The following DOCK8 variants were observed in gnomAD, a reference collection of about 807,000 sequenced individuals.
DOCK8 encodes dedicator of cytokinesis protein 8.
DOCK8 carries 141 observed loss-of-function variants against 245.6 expected under a neutral mutation model. The observed-to-expected ratio is 0.57, with a 90% CI of 0.50 to 0.66. The LOEUF (loss-of-function observed/expected upper bound fraction) is 0.66. DOCK8 is among the 30% of genes least tolerant of loss of function. The pLI, the probability that DOCK8 is intolerant of heterozygous loss-of-function variation, is 0.00. For synonymous variants in DOCK8, 1,168 were observed against 970.2 expected (o/e 1.20, Z -3.79); for missense variants, 2,965 against 2,603.4 (o/e 1.14, Z -3.02).
Position 215,005 on chromosome 9 carries a change from G to T in DOCK8, c.29G>T (p.Arg10Leu), listed in dbSNP as rs1233947697. The change falls in exon 1 of 48, where the codon CGC becomes CTC. Residue 10 changes from arginine to leucine, a missense_variant. Transcript: ENST00000432829. ...GCCACTCTGCCGAGCGCAGAGCGCC[G>T]CGCGTTCGCGCTCAAGATCAACAGG... Reference protein sequence around the residue: MATLPSAERRAFALKINRYS... With the variant: MATLPSAERLAFALKINRYS... The T allele has an allele frequency of 1.3e-6, 2 of 1,593,510 alleles. No individual in the cohort carries two copies. Among genetic ancestry groups the T allele is most frequent in the African/African-American group, 2.7e-5 (2 of 73,050 alleles).
Position 382,652 on chromosome 9 carries a change from A to G in DOCK8, c.2745A>G (p.Ala915=), listed in dbSNP as rs368171577. ...NPDLAGTHSA[A]DEEVKNIMSS... ...ACCTCGCGGGGACACACTCCGCAGC[A>G]GACGAGGAAGTGAAGAACATCATGT... Residue 915 remains alanine (A), a synonymous_variant, in exon 22 of 48, where the codon GCA becomes GCG. Coordinates refer to ENST00000432829, the MANE Select transcript of DOCK8 (RefSeq NM_203447.4). 2 of 1,614,096 alleles carry G rather than the reference A, an allele frequency of 1.2e-6. No individual in the cohort carries two copies. The highest frequency in any genetic ancestry group is 2.7e-5 in the African/African-American group (2 of 74,940).
chr9:358,535 G>A (rs549067530), intron 14 of DOCK8, among the ~76,000 whole-genome samples: 1 of 152,296 alleles, frequency 6.6e-6, no homozygotes, highest in East Asian at 1.9e-4. Context: ...GTTTATTAAG[G>A]CCTTTGACAG....
chr9:363,666 C>CA (rs2052841125), intron 14 of DOCK8, among the ~76,000 whole-genome samples: 1 of 152,122 alleles, frequency 6.6e-6, no homozygotes, highest in Admixed American at 6.5e-5. Context: ...TCCTGACCTT[C>CA]AAAAAATGGG....
intron 26 of DOCK8, among the ~76,000 whole-genome samples, chr9:401,799 C>G (rs2055119538): frequency 6.6e-6 from 1 of 152,162 alleles, no homozygotes; most frequent in South Asian, 2.1e-4. Flanking sequence ...GTCCTGTCTA[C>G]AGCCATACCA....
chr9:287,367 A>G (rs909064141), intron 3 of DOCK8, among the ~76,000 whole-genome samples: 11 of 152,166 alleles, frequency 7.2e-5, no homozygotes, highest in African/African-American at 2.4e-4. Flanking sequence ...GTAAAAAAAA[A>G]TGTCTCTTTG....
chr9:289,292 C>T (rs2048943857), intron 3 of DOCK8, among the ~76,000 whole-genome samples: 2 of 152,026 alleles, frequency 1.3e-5, no homozygotes, highest in South Asian at 4.2e-4. Context: ...TAAAGAAAAC[C>T]CACAAAGCAA....
Position 223,957 on chromosome 9 carries a change from A to G in DOCK8, c.53+8928A>G, listed in dbSNP as rs1013243370. Among the ~76,000 whole-genome samples, 12 of 152,190 alleles carry G rather than the reference A, an allele frequency of 7.9e-5. 1 individual carries two copies. The highest frequency in any genetic ancestry group is 2.9e-4 in the African/African-American group (12 of 41,442). On this transcript the variant is annotated intron_variant, in intron 1 of 47. Coordinates refer to ENST00000432829, the MANE Select transcript of DOCK8 (RefSeq NM_203447.4). ...GCTTCTGGAGGGATCCAAAGTCATT[A>G]GCACTCAAGCAAGCCTATTAAATAA...
chr9:354,520 CATT>C (rs905820646), intron 14 of DOCK8, among the ~76,000 whole-genome samples: 2 of 152,218 alleles, frequency 1.3e-5, no homozygotes, highest in Non-Finnish European at 2.9e-5. Flanking sequence ...AAACAACAGT[CATT>C]ATCTCACAAG....
intron 7 of DOCK8, among the ~76,000 whole-genome samples, chr9:320,008 A>T (rs993967674): frequency 2.6e-5 from 4 of 152,252 alleles, no homozygotes; most frequent in African/African-American, 9.6e-5. Flanking sequence ...CTGGTTGAGT[A>T]GGTCTCAGGT....
chr9:400,252 ATCACCACCAC>A (rs2054803612), intron 26 of DOCK8, among the ~76,000 whole-genome samples: 2 of 97,418 alleles, frequency 2.1e-5, no homozygotes, highest in Non-Finnish European at 2.1e-5. Context: ...CACCTCCACC[ATCACCACCAC>A]CTCCACCATC....
chr9:397,211 G>C (rs7047040), intron 25 of DOCK8, among the ~76,000 whole-genome samples: 3 of 151,562 alleles, frequency 2.0e-5, no homozygotes, highest in Admixed American at 2.0e-4. Context: ...AATTAGCTGA[G>C]CATGGTTGTG....
intron 13 of DOCK8, 100 bp from the exon 14 acceptor site, chr9:340,059 G>T (rs1271666874): frequency 5.0e-6 from 7 of 1,396,670 alleles, no homozygotes; most frequent in Non-Finnish European, 7.0e-6. Flanking sequence ...ACTATAGTTT[G>T]TTCTTATTTT....
intron 1 of DOCK8, among the ~76,000 whole-genome samples, chr9:242,197 C>T (rs1222984623): frequency 1.3e-5 from 2 of 152,148 alleles, no homozygotes; most frequent in African/African-American, 4.8e-5. Context: ...TTCACTTTGT[C>T]CTTGTAAAAA....
chr9:416,268 T>C (rs539869763), intron 29 of DOCK8, among the ~76,000 whole-genome samples: 1 of 152,228 alleles, frequency 6.6e-6, no homozygotes, highest in Admixed American at 6.5e-5. Context: ...TTTTAACATT[T>C]ACAGACATAA....
In DOCK8 at chr9:348,795, T is replaced by C. The variant is rs16933109; in HGVS notation, c.1679+8474T>C. Among the ~76,000 whole-genome samples, 1,114 of 152,306 alleles carry C rather than the reference T, an allele frequency of 7.3e-3. 18 individuals are homozygous for C. Among genetic ancestry groups the C allele is most frequent in the African/African-American group, 0.026 (1,065 of 41,556 alleles). On this transcript the variant is annotated intron_variant, in intron 14 of 47. Transcript: ENST00000432829. ...GACGGGACAGCTTTGGGAAACTGTT[T>C]AGTCTTATTTCTTTTGCTATTGGGA...
At chr9:443,286 T>G (rs1275405579) in intron 42 of DOCK8, 141 bp from the exon 43 acceptor site, 1 of 793,668 alleles carries the variant, frequency 1.3e-6, no homozygotes, top group Non-Finnish European at 2.1e-6. Flanking sequence ...TGAACTTTGC[T>G]CATTAGCTCA....
chr9:390,635 C>A, intron 24 of DOCK8, 69 bp downstream of exon 24: 14 of 1,493,860 alleles, frequency 9.4e-6, no homozygotes, highest in Non-Finnish European at 1.3e-5. Flanking sequence ...AAGGAATTGA[C>A]ATTTTGTTCA....
chr9:225,726 G>A (rs1047339810), intron 1 of DOCK8, among the ~76,000 whole-genome samples: 2 of 152,118 alleles, frequency 1.3e-5, no homozygotes, highest in Admixed American at 1.3e-4. Flanking sequence ...AATAAACAAG[G>A]AAACATCAGA....
At chr9:300,342 C>G (rs75318609) in intron 4 of DOCK8, among the ~76,000 whole-genome samples, 2 of 152,206 alleles carry the variant, frequency 1.3e-5, no homozygotes, top group South Asian at 2.1e-4. Context: ...TTTGATCTAC[C>G]TAATACCTTC....
Sources: allele counts gnomAD v4.1 joint callset (sites outside exome capture counted in the v4.1 genomes callset), GRCh38; gene constraint gnomAD v4.1.1; transcripts MANE v1.5; gene names NCBI Gene and HGNC (gene_info 2026-07-23, HGNC 2026-07-21).